The following TAOK1 variants were observed in gnomAD, a reference collection of about 807,000 sequenced individuals.
TAOK1 encodes the protein serine/threonine-protein kinase TAO1.
Under a neutral mutation model 138.3 loss-of-function variants are expected in TAOK1, and 21 were observed. The ratio of observed to expected loss-of-function variants is 0.15; its 90% CI spans 0.11 to 0.22. TAOK1 has a LOEUF of 0.22. Among genes scored for constraint, TAOK1 ranks in the 10% least tolerant of loss-of-function variants. The pLI is 1.00. For synonymous variants in TAOK1, 361 were observed against 398.4 expected (o/e 0.91, Z 1.12); for missense variants, 651 against 1,227.7 (o/e 0.53, Z 7.02).
chr17:29,501,234 A>G (rs1250946305), intron 12 of TAOK1, among the ~76,000 whole-genome samples: 4 of 150,852 alleles, frequency 2.7e-5, no homozygotes, highest in African/African-American at 9.7e-5. Context: ...AAAAAAAAAA[A>G]AAAAAAAAGA....
At chr17:29,421,158 C>T (rs1303150046) in intron 1 of TAOK1, among the ~76,000 whole-genome samples, 1 of 151,770 alleles carries the variant, frequency 6.6e-6, no homozygotes, top group African/African-American at 2.4e-5. Flanking sequence ...TCAGTCTCCT[C>T]GACCTTGTGA....
intron 18 of TAOK1, among the ~76,000 whole-genome samples, chr17:29,532,187 C>T (rs1598526101): frequency 6.6e-6 from 1 of 152,088 alleles, no homozygotes; most frequent in African/African-American, 2.4e-5. Flanking sequence ...AATGAAAACA[C>T]CACTCTTAGC....
At chr17:29,391,443 C>T (rs1415419095) in intron 1 of TAOK1, among the ~76,000 whole-genome samples, 1 of 152,190 alleles carries the variant, frequency 6.6e-6, no homozygotes, top group African/African-American at 2.4e-5. Flanking sequence ...CACCCCCTAG[C>T]ACAGGAAATC....
intron 1 of TAOK1, among the ~76,000 whole-genome samples, chr17:29,413,424 T>C (rs1039952593): frequency 1.6e-4 from 24 of 152,038 alleles, no homozygotes; most frequent in Admixed American, 2.6e-4. Context: ...GACAAAATCC[T>C]GTCTCTACAA....
At chr17:29,538,566 CT>C (rs1289277288) in intron 19 of TAOK1, among the ~76,000 whole-genome samples, 2 of 152,296 alleles carry the variant, frequency 1.3e-5, no homozygotes, top group East Asian at 3.9e-4. Context: ...GATTTCTGCA[CT>C]TTATGCTTGC....
chr17:29,409,125 C>T (rs1234473350), intron 1 of TAOK1, among the ~76,000 whole-genome samples: 1 of 151,844 alleles, frequency 6.6e-6, no homozygotes, highest in African/African-American at 2.4e-5. Flanking sequence ...GGCATAATAG[C>T]TGTGATATTT....
intron 1 of TAOK1, among the ~76,000 whole-genome samples, chr17:29,439,854 C>A (rs1344940031): frequency 8.2e-6 from 1 of 121,900 alleles, no homozygotes; most frequent in Non-Finnish European, 1.6e-5. Context: ...GTGAAAAAGA[C>A]TCTGTCTCCT....
At chr17:29,397,988 G>C (rs899350962) in intron 1 of TAOK1, among the ~76,000 whole-genome samples, 5 of 151,750 alleles carry the variant, frequency 3.3e-5, no homozygotes, top group African/African-American at 1.2e-4. Context: ...CAGGGCCGAA[G>C]CCGTGAGTAG....
chr17:29,423,421 G>A (rs549985321), intron 1 of TAOK1, among the ~76,000 whole-genome samples: 8 of 151,630 alleles, frequency 5.3e-5, no homozygotes, highest in Admixed American at 1.3e-4. Context: ...GTTTCACCGT[G>A]TTAGCCAGGA....
At chr17:29,470,075 TTAAAA>T (rs1282000899) in intron 3 of TAOK1, among the ~76,000 whole-genome samples, 2 of 152,162 alleles carry the variant, frequency 1.3e-5, no homozygotes, top group Non-Finnish European at 2.9e-5. Context: ...GTGATAAAAC[TTAAAA>T]TAATTAAAAA....
chr17:29,434,218 C>T (rs1027529680), intron 1 of TAOK1, among the ~76,000 whole-genome samples: 18 of 152,054 alleles, frequency 1.2e-4, no homozygotes, highest in African/African-American at 4.3e-4. Context: ...CCTAAGCCAA[C>T]CAGTTTAAAG....
intron 18 of TAOK1, among the ~76,000 whole-genome samples, chr17:29,531,869 T>TC (rs1214606436): frequency 6.6e-6 from 1 of 151,284 alleles, no homozygotes; most frequent in Admixed American, 6.6e-5. Context: ...TTTCTTTTTT[T>TC]TTTTTTTTTG....
At chr17:29,488,019 A>G (rs998202806) in intron 8 of TAOK1, among the ~76,000 whole-genome samples, 10 of 152,338 alleles carry the variant, frequency 6.6e-5, no homozygotes, top group African/African-American at 2.4e-4. Context: ...AAAGGTGTTT[A>G]GCCTAACTCT....
At chr17:29,541,909 C>G (rs1376483118) in intron 19 of TAOK1, among the ~76,000 whole-genome samples, 1 of 151,846 alleles carries the variant, frequency 6.6e-6, no homozygotes, top group Non-Finnish European at 1.5e-5. Context: ...GAGTCTCGCT[C>G]TGTCGCCCAG....
At chr17:29,538,665 C>G (rs968164723) in intron 19 of TAOK1, among the ~76,000 whole-genome samples, 7 of 152,114 alleles carry the variant, frequency 4.6e-5, no homozygotes, top group African/African-American at 1.7e-4. Context: ...GATGAAAAAT[C>G]ATTCTGTTTG....
chr17:29,401,708 G>A (rs1044978345), intron 1 of TAOK1, among the ~76,000 whole-genome samples: 2 of 151,852 alleles, frequency 1.3e-5, no homozygotes, highest in East Asian at 3.9e-4. Flanking sequence ...AGGCTGGAGT[G>A]CAGTGGGGTG....
chr17:29,426,842 T>G (rs1346479980), intron 1 of TAOK1, among the ~76,000 whole-genome samples: 1 of 152,194 alleles, frequency 6.6e-6, no homozygotes, highest in African/African-American at 2.4e-5. Context: ...CTGGTGAGAT[T>G]AAGGAAACGC....
At position 29,546,496 on chromosome 17, in the gene TAOK1, A is replaced by G. The variant is rs2032405387; in HGVS notation, c.*3474A>G. ...AATGTCTGGCATTTTAAACTTTTGT[A>G]GAATACATTATGTTGGACACTGGAA... On this transcript the variant is annotated 3_prime_UTR_variant, in exon 20 of 20. Coordinates refer to ENST00000261716, the MANE Select transcript of TAOK1 (RefSeq NM_020791.4). 6.6e-6 allele frequency: 1 copy of G among 152,124 alleles called. No homozygotes were observed. The allele number at this position is 152,124 out of a possible 1,614,324, so 9.4% of individuals were successfully genotyped here.
At chr17:29,414,716 C>G (rs1438463042) in intron 1 of TAOK1, among the ~76,000 whole-genome samples, 1 of 150,426 alleles carries the variant, frequency 6.6e-6, no homozygotes, top group Admixed American at 6.7e-5. Context: ...ACCACCATGC[C>G]CAGCTATTAT....
Sources: allele counts gnomAD v4.1 joint callset (sites outside exome capture counted in the v4.1 genomes callset), GRCh38; gene constraint gnomAD v4.1.1; transcripts MANE v1.5; gene names NCBI Gene and HGNC (gene_info 2026-07-23, HGNC 2026-07-21).